The following LHFPL3 variants were observed in gnomAD, a reference collection of about 807,000 sequenced individuals.
LHFPL3 encodes the protein LHFPL tetraspan subfamily member 3.
In LHFPL3, 5 loss-of-function variants were observed where a neutral mutation model predicts 19.3. The observed-to-expected ratio is 0.26, with a 90% CI of 0.14 to 0.54. The LOEUF is 0.54. Among genes scored for constraint, LHFPL3 ranks in the 20% least tolerant of loss-of-function variants. The pLI is 0.94. For missense variants in LHFPL3, 249 were observed against 307.4 expected, an observed-to-expected ratio of 0.81 and a Z score of 1.42; for synonymous variants, 133 against 126.2, an observed-to-expected ratio of 1.05 and a Z score of -0.36.
At chr7:104,430,431 TATATATATATATATATATATATA>T (rs1791965738) in intron 1 of LHFPL3, among the ~76,000 whole-genome samples, 1 of 12,434 alleles carries the variant, frequency 8.0e-5, no homozygotes, top group Non-Finnish European at 1.7e-4. Context: ...TATATATATA[TATATATATATATATATATATATA>T]TTTTTTTTTT....
chr7:104,354,922 ATTCTT>A (rs935406772), intron 1 of LHFPL3, among the ~76,000 whole-genome samples: 1 of 152,172 alleles, frequency 6.6e-6, no homozygotes, highest in African/African-American at 2.4e-5. Flanking sequence ...AATATTTTAT[ATTCTT>A]TTTCTTTTTG....
chr7:104,574,102 C>G (rs1790279576), intron 1 of LHFPL3, among the ~76,000 whole-genome samples: 1 of 152,032 alleles, frequency 6.6e-6, no homozygotes. Flanking sequence ...TATGAAAAAG[C>G]CTGACAAAAT....
intron 2 of LHFPL3, among the ~76,000 whole-genome samples, chr7:104,845,045 G>A (rs1791286971): frequency 6.6e-6 from 1 of 152,210 alleles, no homozygotes; most frequent in Non-Finnish European, 1.5e-5. Context: ...CGGCCTCTAA[G>A]TATTTCCCAT....
intron 1 of LHFPL3, among the ~76,000 whole-genome samples, chr7:104,333,113 T>C (rs1286399798): frequency 6.6e-6 from 1 of 152,212 alleles, no homozygotes; most frequent in African/African-American, 2.4e-5. Flanking sequence ...ATGTTCTTGT[T>C]CTCTTTAAGT....
intron 1 of LHFPL3, among the ~76,000 whole-genome samples, chr7:104,727,068 T>C (rs1051089852): frequency 6.6e-6 from 1 of 152,246 alleles, no homozygotes; most frequent in Admixed American, 6.5e-5. Context: ...TGATATGCAT[T>C]TCTCTAATGA....
intron 1 of LHFPL3, among the ~76,000 whole-genome samples, chr7:104,722,557 C>G (rs1793508178): frequency 6.6e-6 from 1 of 152,152 alleles, no homozygotes; most frequent in Non-Finnish European, 1.5e-5. Context: ...TGTCCAGTGA[C>G]TCTGTTTTCA....
At chr7:104,898,383 G>A (rs537406630) in intron 2 of LHFPL3, among the ~76,000 whole-genome samples, 1 of 152,238 alleles carries the variant, frequency 6.6e-6, no homozygotes, top group African/African-American at 2.4e-5. Context: ...TAGTCCTCAA[G>A]TAAGAGGACT....
chr7:104,563,198 G>T (rs1790046118), intron 1 of LHFPL3, among the ~76,000 whole-genome samples: 2 of 152,398 alleles, frequency 1.3e-5, no homozygotes, highest in Admixed American at 1.3e-4. Flanking sequence ...CTTGAGCTGT[G>T]GTGGGCTCCA....
At chr7:104,767,373 G>T (rs2116387457) in intron 2 of LHFPL3, among the ~76,000 whole-genome samples, 1 of 152,280 alleles carries the variant, frequency 6.6e-6, no homozygotes, top group Non-Finnish European at 1.5e-5. Context: ...GTCTTGGAGA[G>T]GACCTAGAGA....
At chr7:104,510,726 C>G (rs896978907) in intron 1 of LHFPL3, among the ~76,000 whole-genome samples, 1 of 152,192 alleles carries the variant, frequency 6.6e-6, no homozygotes, top group South Asian at 2.1e-4. Context: ...CTGTGAAAGA[C>G]CCTGTTGAGA....
At chr7:104,506,039 A>T (rs1793692221) in intron 1 of LHFPL3, among the ~76,000 whole-genome samples, 1 of 150,394 alleles carries the variant, frequency 6.6e-6, no homozygotes, top group South Asian at 2.1e-4. Context: ...TTTTCTTGAG[A>T]CGGAGTCTCA....
At position 104,458,724 on chromosome 7, in the gene LHFPL3, T is replaced by A. The variant is rs1268848548; in HGVS notation, c.445+129500T>A. On this transcript the variant is annotated intron_variant, in intron 1 of 2. Transcript: ENST00000424859. ...TGCATTTTTAAGGCATCTTTCTTTC[T>A]TAAAAAAAAAAAAAACCTTTATGTG... 2.8e-5 allele frequency among the ~76,000 whole-genome samples: 4 copies of A among 145,442 alleles called. No individual in the cohort carries two copies. The East Asian group carries it at 6.0e-4, about 22-fold the overall frequency.
At chr7:104,344,130 CA>C (rs1382436087) in intron 1 of LHFPL3, among the ~76,000 whole-genome samples, 2 of 151,864 alleles carry the variant, frequency 1.3e-5, no homozygotes, top group Non-Finnish European at 2.9e-5. Context: ...ATTACTTTTC[CA>C]AATTAATATA....
At chr7:104,788,150 G>T (rs751005229) in intron 2 of LHFPL3, among the ~76,000 whole-genome samples, 3 of 152,172 alleles carry the variant, frequency 2.0e-5, no homozygotes, top group Admixed American at 6.5e-5. Flanking sequence ...TCTTTATGAG[G>T]AGTACTCTCA....
intron 1 of LHFPL3, among the ~76,000 whole-genome samples, chr7:104,511,683 A>G (rs1793815991): frequency 1.3e-5 from 2 of 152,178 alleles, no homozygotes; most frequent in Admixed American, 1.3e-4. Flanking sequence ...GGATGAAACT[A>G]TGCATAAAAG....
intron 1 of LHFPL3, among the ~76,000 whole-genome samples, chr7:104,464,926 T>C (rs1479484678): frequency 6.6e-6 from 1 of 152,216 alleles, no homozygotes; most frequent in Non-Finnish European, 1.5e-5. Context: ...TCCCAGAAAA[T>C]GGAGTTTCTT....
At chr7:104,541,276 A>G (rs193125687) in intron 1 of LHFPL3, among the ~76,000 whole-genome samples, 25 of 152,180 alleles carry the variant, frequency 1.6e-4, no homozygotes, top group African/African-American at 5.8e-4. Flanking sequence ...CACCCATTGC[A>G]TTAGTGGTTC....
At chr7:104,421,869 A>G (rs1340004182) in intron 1 of LHFPL3, among the ~76,000 whole-genome samples, 8 of 152,118 alleles carry the variant, frequency 5.3e-5, no homozygotes, top group Admixed American at 5.2e-4. Context: ...TTGGGAGGTG[A>G]TGAGATCGTG....
chr7:104,803,087 T>C (rs1334454185), intron 2 of LHFPL3: 6 of 152,218 alleles, frequency 3.9e-5, no homozygotes, highest in Non-Finnish European at 8.8e-5. Context: ...GTTCAAGCCA[T>C]AGCAGTTATT....
Sources: allele counts gnomAD v4.1 joint callset (sites outside exome capture counted in the v4.1 genomes callset), GRCh38; gene constraint gnomAD v4.1.1; transcripts MANE v1.5; gene names NCBI Gene and HGNC (gene_info 2026-07-23, HGNC 2026-07-21).